The following RORB variants were observed in gnomAD, a reference collection of about 807,000 sequenced individuals.
RORB encodes the protein RAR related orphan receptor B, also known as nuclear receptor ROR-beta.
A neutral mutation model predicts 59.1 loss-of-function variants in RORB; 6 were observed. The observed-to-expected ratio is 0.10, with a 90% CI of 0.06 to 0.20. The LOEUF (loss-of-function observed/expected upper bound fraction) is 0.20, where lower values mean the gene tolerates loss of function less well. Ranked by LOEUF, RORB falls within the 10% of genes least tolerant of loss-of-function variation. The pLI, the probability that RORB is intolerant of heterozygous loss-of-function variation, is 1.00. For missense variants in RORB, 320 were observed against 560.5 expected, an observed-to-expected ratio of 0.57 and a Z score of 4.33; for synonymous variants, 215 against 204.5, an observed-to-expected ratio of 1.05 and a Z score of -0.44.
At chr9:74,534,784 A>AT (rs772326921) in intron 1 of RORB, among the ~76,000 whole-genome samples, 1 of 152,052 alleles carries the variant, frequency 6.6e-6, no homozygotes, top group Non-Finnish European at 1.5e-5. Flanking sequence ...TCACAATAAT[A>AT]TTTTCATTCT....
chr9:74,634,544 G>A, intron 2 of RORB, 87 bp from the exon 3 acceptor site: 1 of 1,254,188 alleles, frequency 8.0e-7, no homozygotes, highest in South Asian at 1.7e-5. Flanking sequence ...TATGTTCACT[G>A]CAGAAAATGT....
At chr9:74,681,362 T>G (rs1448925786) in intron 9 of RORB, among the ~76,000 whole-genome samples, 1 of 152,328 alleles carries the variant, frequency 6.6e-6, no homozygotes, top group South Asian at 2.1e-4. Context: ...CGCCTCCACA[T>G]GGCCTCCTGG....
At chr9:74,559,317 A>G (rs1439310945) in intron 1 of RORB, among the ~76,000 whole-genome samples, 4 of 152,170 alleles carry the variant, frequency 2.6e-5, no homozygotes, top group Admixed American at 2.6e-4. Flanking sequence ...GTGAATCATT[A>G]TACCTTGCCT....
chr9:74,536,347 A>G (rs1333951269), intron 1 of RORB, among the ~76,000 whole-genome samples: 1 of 151,976 alleles, frequency 6.6e-6, no homozygotes. Flanking sequence ...AAGAGGTAGT[A>G]GAAGAGGAAG....
At chr9:74,537,878 A>C (rs569207492) in intron 1 of RORB, among the ~76,000 whole-genome samples, 15 of 152,168 alleles carry the variant, frequency 9.9e-5, no homozygotes, top group African/African-American at 3.6e-4. Flanking sequence ...AGCATAGCCT[A>C]AGTGTAAAGT....
At chr9:74,654,043 T>C (rs1297268772) in intron 4 of RORB, among the ~76,000 whole-genome samples, 1 of 152,240 alleles carries the variant, frequency 6.6e-6, no homozygotes, top group Admixed American at 6.5e-5. Flanking sequence ...TTTGGATGAC[T>C]TGTTTCCAAA....
intron 1 of RORB, among the ~76,000 whole-genome samples, chr9:74,532,795 C>T (rs1426676127): frequency 1.5e-5 from 2 of 135,136 alleles, no homozygotes; most frequent in African/African-American, 3.1e-5. Flanking sequence ...TATATATATA[C>T]ATAGATACGT....
chr9:74,621,717 C>T (rs1001525306), intron 1 of RORB, among the ~76,000 whole-genome samples: 1 of 152,186 alleles, frequency 6.6e-6, no homozygotes, highest in Non-Finnish European at 1.5e-5. Flanking sequence ...AATAAGCAAA[C>T]ATTCCATTTG....
At chr9:74,672,410 G>A (rs920691657) in intron 9 of RORB, among the ~76,000 whole-genome samples, 1 of 152,134 alleles carries the variant, frequency 6.6e-6, no homozygotes, top group African/African-American at 2.4e-5. Context: ...TCACTTCTCA[G>A]GTATGTTATA....
intron 1 of RORB, among the ~76,000 whole-genome samples, chr9:74,621,124 A>G (rs1469220919): frequency 6.6e-6 from 1 of 152,154 alleles, no homozygotes; most frequent in African/African-American, 2.4e-5. Flanking sequence ...CAATACTGAT[A>G]CATTATTATT....
chr9:74,665,711 T>C, intron 7 of RORB, 116 bp downstream of exon 7: 1 of 682,182 alleles, frequency 1.5e-6, no homozygotes, highest in Non-Finnish European at 2.6e-6. Context: ...TATCTCATTA[T>C]TCGATAAGCG....
At position 74,659,856 on chromosome 9, in the gene RORB, T is replaced by C. The variant is rs140290889; in HGVS notation, c.638-761T>C. The stretch of plus-strand genomic sequence containing the variant: ...CTCGATTGGGATAAACTGCCCAAAA[T>C]TGTGTTTGCTACTAATTTTTGTGAA... On this transcript the variant is annotated intron_variant, in intron 4 of 9. Coordinates refer to ENST00000376896, the MANE Select transcript of RORB (RefSeq NM_006914.4). 1.5e-3 allele frequency among the ~76,000 whole-genome samples: 221 copies of C among 152,268 alleles called. 1 individual carries two copies. Among genetic ancestry groups the C allele is most frequent in the African/African-American group, 4.8e-3 (200 of 41,544 alleles).
intron 1 of RORB, among the ~76,000 whole-genome samples, chr9:74,525,307 G>T (rs1486911225): frequency 2.6e-5 from 4 of 151,842 alleles, no homozygotes; most frequent in African/African-American, 2.4e-5. Context: ...CTAGCTAAAG[G>T]TTTGCATGCC....
At chr9:74,680,183 T>A (rs1049583398) in intron 9 of RORB, among the ~76,000 whole-genome samples, 2 of 151,970 alleles carry the variant, frequency 1.3e-5, no homozygotes, top group African/African-American at 4.8e-5. Flanking sequence ...GTATAAAAAA[T>A]AAAAATAAAA....
chr9:74,642,178 A>C (rs1293559044), intron 3 of RORB, among the ~76,000 whole-genome samples: 1 of 152,188 alleles, frequency 6.6e-6, no homozygotes, highest in East Asian at 1.9e-4. Context: ...ATAAGTTTTT[A>C]TATTTCTTCC....
Position 74,500,329 on chromosome 9 carries a change from G to A in RORB, c.7+2346G>A, listed in dbSNP as rs111743753. ...TTTCCCCGGACAGTGCCCTACCACAGTATGAGAGGCTGTTCCGTAAGAATG... is the reference window on the plus strand; with the variant it reads ...TTTCCCCGGACAGTGCCCTACCACAATATGAGAGGCTGTTCCGTAAGAATG... On this transcript the variant is annotated intron_variant, in intron 1 of 9. Coordinates refer to ENST00000376896, the MANE Select transcript of RORB (RefSeq NM_006914.4). Among the ~76,000 whole-genome samples the A allele has an allele frequency of 9.4e-4, 143 of 152,274 alleles. 2 individuals carry two copies. The highest frequency in any genetic ancestry group is 3.3e-3 in the African/African-American group (136 of 41,548).
At position 74,692,638 on chromosome 9, in the gene RORB, A is replaced by G. The variant is rs1370295641; in HGVS notation, c.*7020A>G. On this transcript the variant is annotated 3_prime_UTR_variant, in exon 10 of 10. Transcript: ENST00000376896. ...GGCAATGCATAAAAGTTGCATTGCC[A>G]CAAGTATGTAAAATAAAAATATTCA... 3 of 152,228 alleles carry G rather than the reference A, an allele frequency of 2.0e-5. No homozygotes were observed. The highest frequency in any genetic ancestry group is 6.5e-5 in the Admixed American group (1 of 15,286). The allele number at this position is 152,228 out of a possible 1,614,324, so 9.4% of individuals were successfully genotyped here. A position where few individuals can be genotyped will look rare whatever the true frequency, so the allele number is the denominator to read the frequency against.
At chr9:74,628,759 A>G (rs111534167) in intron 1 of RORB, among the ~76,000 whole-genome samples, 1 of 152,234 alleles carries the variant, frequency 6.6e-6, no homozygotes, top group Non-Finnish European at 1.5e-5. Flanking sequence ...TAATTATTTT[A>G]AATTGTAAGA....
chr9:74,648,615 G>A lies in RORB; in HGVS notation c.637+5800G>A, dbSNP rs539896292. On this transcript the variant is annotated intron_variant, in intron 4 of 9. Transcript: ENST00000376896. ...CCTCCTGGAGAGCAGGACGATACTCGGGGCTTTCACTAAGTGAAATGACCC... is the reference window on the plus strand; with the variant it reads ...CCTCCTGGAGAGCAGGACGATACTCAGGGCTTTCACTAAGTGAAATGACCC... 8.7e-4 allele frequency among the ~76,000 whole-genome samples: 132 copies of A among 152,232 alleles called. 1 individual carries two copies. The highest frequency in any genetic ancestry group is 6.8e-3 in the Middle Eastern group (2 of 294).
Sources: gnomAD v4.1 joint callset for allele counts (sites outside exome capture counted in the v4.1 genomes callset) on GRCh38, gnomAD v4.1.1 for gene constraint, MANE v1.5 for transcripts, NCBI Gene and HGNC (gene_info 2026-07-23, HGNC 2026-07-21) for gene names.